FHOD3: variants seen among roughly 807,000 people sequenced by gnomAD.
FHOD3 encodes formin homology 2 domain containing 3.
FHOD3 carries 90 observed loss-of-function variants against 173.0 expected under a neutral mutation model. That is an observed-to-expected ratio of 0.52 (90% CI 0.44 to 0.62). The LOEUF (loss-of-function observed/expected upper bound fraction) is 0.62, where lower values mean the gene tolerates loss of function less well. Ranked by LOEUF, FHOD3 falls within the 20% of genes least tolerant of loss-of-function variation. The pLI is 0.00. For missense variants in FHOD3, 1,945 were observed against 2,034.7 expected (o/e 0.96, Z 0.85); for synonymous variants, 828 against 823.0 (o/e 1.01, Z -0.10).
At chr18:36,618,495 A>G (rs1301051085) in intron 9 of FHOD3, among the ~76,000 whole-genome samples, 1 of 151,886 alleles carries the variant, frequency 6.6e-6, no homozygotes. Context: ...TATTTTTAGT[A>G]GAGACAGGGT....
At position 36,340,897 on chromosome 18, in the gene FHOD3, A is replaced by T. The variant is rs148552238; in HGVS notation, c.166-14642A>T. Among the ~76,000 whole-genome samples, 1,141 of 152,024 alleles carry T rather than the reference A, an allele frequency of 7.5e-3. 9 individuals carry two copies. The highest frequency in any genetic ancestry group is 0.012 in the Non-Finnish European group (820 of 67,976). ...CATGATCCGTCTGCCTCGGTCTCCC[A>T]AAGTGCTGGGATTACAGGCGTGAGC... On this transcript the variant is annotated intron_variant, in intron 1 of 28. Transcript: ENST00000590592.
At chr18:36,529,287 T>C (rs1001442159) in intron 5 of FHOD3, among the ~76,000 whole-genome samples, 3 of 152,180 alleles carry the variant, frequency 2.0e-5, no homozygotes, top group African/African-American at 7.2e-5. Context: ...GGTGATTTTG[T>C]CTGATGCTCT....
chr18:36,320,609 G>T (rs1385354069), intron 1 of FHOD3, among the ~76,000 whole-genome samples: 1 of 152,220 alleles, frequency 6.6e-6, no homozygotes, highest in Admixed American at 6.5e-5. Context: ...TAGAAAAAGA[G>T]GGAATCCTCC....
intron 14 of FHOD3, among the ~76,000 whole-genome samples, chr18:36,668,179 T>G (rs2037305783): frequency 6.6e-6 from 1 of 152,192 alleles, no homozygotes; most frequent in African/African-American, 2.4e-5. Context: ...AACCACAAAT[T>G]CAATGCCTCT....
At chr18:36,491,297 A>G (rs1470316407) in intron 3 of FHOD3, among the ~76,000 whole-genome samples, 3 of 152,168 alleles carry the variant, frequency 2.0e-5, no homozygotes, top group Non-Finnish European at 2.9e-5. Flanking sequence ...AGAAAAAAAT[A>G]TTGGGCAAAA....
intron 27 of FHOD3, among the ~76,000 whole-genome samples, chr18:36,762,097 A>G (rs1349387008): frequency 6.6e-6 from 1 of 152,132 alleles, no homozygotes; most frequent in Admixed American, 6.5e-5. Context: ...GTGACTTCTA[A>G]TAGGCTTTGC....
intron 3 of FHOD3, among the ~76,000 whole-genome samples, chr18:36,409,174 G>A (rs995316863): frequency 2.0e-5 from 3 of 152,106 alleles, no homozygotes; most frequent in Non-Finnish European, 2.9e-5. Context: ...AACCTTCTTG[G>A]GGGGGTAATT....
intron 7 of FHOD3, among the ~76,000 whole-genome samples, chr18:36,598,893 A>C (rs1054743468): frequency 6.6e-6 from 1 of 152,200 alleles, no homozygotes; most frequent in African/African-American, 2.4e-5. Context: ...AGGCTATTGC[A>C]CTTTTGCTCA....
At chr18:36,664,790 G>C (rs1295107723) in intron 14 of FHOD3, among the ~76,000 whole-genome samples, 1 of 148,038 alleles carries the variant, frequency 6.8e-6, no homozygotes, top group Non-Finnish European at 1.5e-5. Context: ...GAGAGAGAGA[G>C]AGAGAGAGAG....
chr18:36,713,409 G>T (rs1330999318), intron 18 of FHOD3, among the ~76,000 whole-genome samples: 1 of 152,184 alleles, frequency 6.6e-6, no homozygotes, highest in Non-Finnish European at 1.5e-5. Context: ...GTTTACTGTG[G>T]TTAGTGTATA....
intron 6 of FHOD3, among the ~76,000 whole-genome samples, chr18:36,594,071 G>A (rs1383181457): frequency 6.6e-6 from 1 of 152,220 alleles, no homozygotes; most frequent in Non-Finnish European, 1.5e-5. Flanking sequence ...CGCAGCCCCA[G>A]GGCTGGTAAA....
At chr18:36,601,269 A>G (rs1462901821) in intron 7 of FHOD3, among the ~76,000 whole-genome samples, 3 of 152,230 alleles carry the variant, frequency 2.0e-5, no homozygotes, top group Non-Finnish European at 2.9e-5. Flanking sequence ...AAGGCTTTCT[A>G]TTCACTTAGG....
chr18:36,738,622 A>G (rs1490078111), intron 20 of FHOD3, among the ~76,000 whole-genome samples: 1 of 152,198 alleles, frequency 6.6e-6, no homozygotes, highest in East Asian at 1.9e-4. Context: ...CGTATAGTGT[A>G]AGGTTTAACT....
intron 10 of FHOD3, among the ~76,000 whole-genome samples, chr18:36,638,462 G>A (rs2035046366): frequency 6.6e-6 from 1 of 152,190 alleles, no homozygotes; most frequent in Admixed American, 6.5e-5. Context: ...CAGCATGTGA[G>A]GCTCAGTTGT....
intron 18 of FHOD3, among the ~76,000 whole-genome samples, chr18:36,716,914 A>C (rs1037445872): frequency 7.3e-6 from 1 of 136,814 alleles, no homozygotes; most frequent in Non-Finnish European, 1.6e-5. Flanking sequence ...ATATATGTGT[A>C]TGTGTGTGTG....
intron 4 of FHOD3, among the ~76,000 whole-genome samples, chr18:36,504,750 AAG>A (rs1473919460): frequency 1.1e-4 from 17 of 148,070 alleles, no homozygotes; most frequent in African/African-American, 4.0e-4. Flanking sequence ...ATAATAATAA[AAG>A]TAAATAAATA....
chr18:36,660,872 C>G (rs1023433462), intron 14 of FHOD3, among the ~76,000 whole-genome samples: 26 of 152,220 alleles, frequency 1.7e-4, no homozygotes, highest in African/African-American at 6.0e-4. Context: ...AAGTTCCTTT[C>G]CTTCTTACAG....
chr18:36,514,244 C>T (rs1314700723), intron 5 of FHOD3, among the ~76,000 whole-genome samples: 1 of 152,114 alleles, frequency 6.6e-6, no homozygotes, highest in African/African-American at 2.4e-5. Context: ...CTCCTGACCT[C>T]ATGATCCGCC....
In FHOD3 at chr18:36,604,082, G is replaced by A. The variant is rs376939843; in HGVS notation, c.813+1314G>A. ...CTTGGTGCTCTTCCTCAGAGGTGCT[G>A]CTCTGAAACAAGGGGGCCCATGCTG... On this transcript the variant is annotated intron_variant, in intron 8 of 28. Transcript: ENST00000590592. Among the ~76,000 whole-genome samples the A allele has an allele frequency of 1.3e-4, 20 of 152,264 alleles. No individual in the cohort carries two copies. In the East Asian group the frequency reaches 1.4e-3, roughly 10 times the overall value.
Sources: allele counts gnomAD v4.1 joint callset (sites outside exome capture counted in the v4.1 genomes callset), GRCh38; gene constraint gnomAD v4.1.1; transcripts MANE v1.5; gene names NCBI Gene and HGNC (gene_info 2026-07-23, HGNC 2026-07-21).